The following LARGE1 variants were observed in gnomAD, a reference collection of about 807,000 sequenced individuals.
LARGE1 encodes xylosyl- and glucuronyltransferase LARGE1.
LARGE1 carries 43 observed loss-of-function variants against 87.6 expected under a neutral mutation model. The observed-to-expected ratio is 0.49, with a 90% confidence interval of 0.38 to 0.63. LARGE1 has a LOEUF of 0.63. LARGE1 is among the 30% of genes least tolerant of loss of function. The pLI is 0.00. For missense variants in LARGE1, 802 were observed against 1,000.2 expected, an observed-to-expected ratio of 0.80 and a Z score of 2.67; for synonymous variants, 434 against 394.6, an observed-to-expected ratio of 1.10 and a Z score of -1.18.
At chr22:33,661,667 G>T (rs1466670349) in intron 2 of LARGE1, among the ~76,000 whole-genome samples, 1 of 152,080 alleles carries the variant, frequency 6.6e-6, no homozygotes, top group South Asian at 2.1e-4. Context: ...TGCTCCTTGG[G>T]CTTCTGTGCC....
At chr22:33,140,489 A>G in the LARGE1 span, among the ~76,000 whole-genome samples, 1 of 152,236 alleles carries the variant, frequency 6.6e-6, no homozygotes, top group Non-Finnish European at 1.5e-5. Flanking sequence ...GGAGATAAAC[A>G]TTTGAGTCAG....
intron 2 of LARGE1, among the ~76,000 whole-genome samples, chr22:33,671,197 T>C (rs1226250507): frequency 6.6e-6 from 1 of 152,176 alleles, no homozygotes; most frequent in Non-Finnish European, 1.5e-5. Context: ...AGTTGTCCTC[T>C]AAACCTCCCT....
intron 1 of LARGE1, among the ~76,000 whole-genome samples, chr22:33,811,194 G>C (rs1392732247): frequency 6.6e-6 from 1 of 152,194 alleles, no homozygotes; most frequent in Non-Finnish European, 1.5e-5. Flanking sequence ...TAGACCACCA[G>C]CTGTGGTGGG....
rs192469411 is a variant in LARGE1 at position 33,334,388 on chromosome 22, C to T, written c.1287+3258G>A. On this transcript the variant is annotated intron_variant, in intron 10 of 14. Coordinates refer to ENST00000397394, the MANE Select transcript of LARGE1 (RefSeq NM_133642.5). The stretch of plus-strand genomic sequence containing the variant: ...ATCGCGCCACTGCACTCTAGCCTGG[C>T]GACAGAGCAAGACTCTGTCTCAAAA... Among the ~76,000 whole-genome samples the T allele has an allele frequency of 9.6e-5, 13 of 135,676 alleles. No individual in the cohort carries two copies. In the East Asian group the frequency reaches 2.1e-3, roughly 22 times the overall value. 89.0% of individuals were successfully genotyped at this position (135,676 alleles called of 152,430 possible). A position where few individuals can be genotyped will look rare whatever the true frequency, so the allele number is the denominator to read the frequency against.
chr22:33,203,874 A>T (rs1924547377), intron 11 of LARGE1, among the ~76,000 whole-genome samples: 1 of 151,878 alleles, frequency 6.6e-6, no homozygotes. Context: ...CAGGGATTTC[A>T]TTCTGTCCCA....
intron 7 of LARGE1, among the ~76,000 whole-genome samples, chr22:33,399,261 T>C (rs2065858348): frequency 6.6e-6 from 1 of 152,156 alleles, no homozygotes. Flanking sequence ...CCTGTGTTAG[T>C]TGCTGATAAT....
the LARGE1 span, among the ~76,000 whole-genome samples, chr22:33,119,892 A>G: frequency 6.6e-6 from 1 of 152,044 alleles, no homozygotes; most frequent in African/African-American, 2.4e-5. Context: ...ATTTTCTCTG[A>G]TAATCGAGGT....
intron 1 of LARGE1, among the ~76,000 whole-genome samples, chr22:33,820,769 G>A (rs907987830): frequency 6.6e-5 from 10 of 151,952 alleles, no homozygotes; most frequent in African/African-American, 2.4e-4. Context: ...CTCATTCATC[G>A]TGGCACCTGA....
intron 7 of LARGE1, among the ~76,000 whole-genome samples, chr22:33,424,505 C>T (rs1386292334): frequency 6.6e-6 from 1 of 152,134 alleles, no homozygotes; most frequent in African/African-American, 2.4e-5. Context: ...GACTGAATGT[C>T]ATATCTCCCC....
intron 9 of LARGE1, among the ~76,000 whole-genome samples, chr22:33,341,954 C>T (rs1456836307): frequency 6.6e-6 from 1 of 152,166 alleles, no homozygotes; most frequent in African/African-American, 2.4e-5. Flanking sequence ...AGTCAGAAAG[C>T]AAGCACTCCG....
chr22:33,314,195 C>T (rs1033759166), intron 11 of LARGE1, among the ~76,000 whole-genome samples: 5 of 152,068 alleles, frequency 3.3e-5, no homozygotes, highest in African/African-American at 1.2e-4. Flanking sequence ...TCTTTTGTCC[C>T]ATGCTGTCTT....
intron 6 of LARGE1, among the ~76,000 whole-genome samples, chr22:33,517,537 A>G (rs1328054810): frequency 6.6e-6 from 1 of 152,020 alleles, no homozygotes; most frequent in Admixed American, 6.6e-5. Flanking sequence ...ACCTGCCACC[A>G]ATATTAGCAA....
rs543240509 is a variant in LARGE1 at position 33,332,554 on chromosome 22, G to A, written c.1287+5092C>T. 2.6e-5 allele frequency among the ~76,000 whole-genome samples: 4 copies of A among 152,196 alleles called. No individual in the cohort carries two copies. In the South Asian group the frequency reaches 8.3e-4, roughly 31 times the overall value. On this transcript the variant is annotated intron_variant, in intron 10 of 14. Coordinates refer to ENST00000397394, the MANE Select transcript of LARGE1 (RefSeq NM_133642.5). ...AGCCTGCTCCCATCTAGGATCTCAAGTCCAAAGAAGAGGTTCCTGACTTGG... is the reference window on the plus strand; with the variant it reads ...AGCCTGCTCCCATCTAGGATCTCAAATCCAAAGAAGAGGTTCCTGACTTGG...
intron 6 of LARGE1, among the ~76,000 whole-genome samples, chr22:33,545,725 C>T (rs2077344208): frequency 6.6e-6 from 1 of 152,064 alleles, no homozygotes; most frequent in South Asian, 2.1e-4. Context: ...AGGCATGAGC[C>T]CCTGCGCCCA....
intron 11 of LARGE1, among the ~76,000 whole-genome samples, chr22:33,196,652 T>A (rs1924096701): frequency 6.6e-6 from 1 of 151,836 alleles, no homozygotes; most frequent in African/African-American, 2.4e-5. Flanking sequence ...CTTTGGGATC[T>A]CCATAACAAT....
At chr22:33,393,457 T>C (rs2065603529) in intron 7 of LARGE1, among the ~76,000 whole-genome samples, 1 of 152,234 alleles carries the variant, frequency 6.6e-6, no homozygotes, top group Non-Finnish European at 1.5e-5. Flanking sequence ...TGTGCATGTG[T>C]GCAAAGTAGA....
chr22:33,588,750 C>T (rs978126748), intron 5 of LARGE1, among the ~76,000 whole-genome samples: 1 of 151,976 alleles, frequency 6.6e-6, no homozygotes, highest in African/African-American at 2.4e-5. Context: ...AGAGAGAGAA[C>T]CTTTGCATGA....
chr22:33,618,158 C>A (rs1330353447), intron 4 of LARGE1, among the ~76,000 whole-genome samples: 1 of 152,178 alleles, frequency 6.6e-6, no homozygotes, highest in African/African-American at 2.4e-5. Flanking sequence ...ATCACCGCAG[C>A]CAGAATGAGA....
intron 6 of LARGE1, among the ~76,000 whole-genome samples, chr22:33,502,359 A>G (rs1453052291): frequency 6.6e-6 from 1 of 152,092 alleles, no homozygotes; most frequent in African/African-American, 2.4e-5. Flanking sequence ...GTACGAAGGA[A>G]GAGCAGGTGT....
Sources: gnomAD v4.1 joint callset for allele counts (sites outside exome capture counted in the v4.1 genomes callset) on GRCh38, gnomAD v4.1.1 for gene constraint, MANE v1.5 for transcripts, NCBI Gene and HGNC (gene_info 2026-07-23, HGNC 2026-07-21) for gene names.